TRPM8: variants seen among roughly 807,000 people sequenced by gnomAD.
TRPM8 encodes the protein transient receptor potential cation channel subfamily M member 8.
Under a neutral mutation model 133.7 loss-of-function variants are expected in TRPM8, and 110 were observed. The ratio of observed to expected loss-of-function variants is 0.82; its 90% CI spans 0.70 to 0.96. The LOEUF (loss-of-function observed/expected upper bound fraction) is 0.96. Among genes scored for constraint, TRPM8 ranks in the 40% least tolerant of loss-of-function variants. The pLI is 0.00. For synonymous variants in TRPM8, 535 were observed against 532.3 expected (o/e 1.01, Z -0.07); for missense variants, 1,291 against 1,379.5 (o/e 0.94, Z 1.02).
At chr2:233,922,534 A>G (rs2125027618) in intron 1 of TRPM8, among the ~76,000 whole-genome samples, 1 of 152,124 alleles carries the variant, frequency 6.6e-6, no homozygotes, top group East Asian at 1.9e-4. Flanking sequence ...TAAACATTTA[A>G]ACTGAAAAAA....
intron 8 of TRPM8, 90 bp downstream of exon 8, chr2:233,947,245 C>T: frequency 6.3e-7 from 1 of 1,581,170 alleles, no homozygotes. Flanking sequence ...TCTAATCTAA[C>T]CTAATTGATT....
Position 233,947,438 on chromosome 2 carries a change from A to G in TRPM8, c.942+283A>G, listed in dbSNP as rs1487233354. ...AGTTGACATTAATTCGGGAGACTTA[A>G]AGATTGTAACCGGCATATATATTAG... On this transcript the variant is annotated intron_variant, in intron 8 of 25. Transcript: ENST00000324695. 6.3e-6 allele frequency: 9 copies of G among 1,428,574 alleles called. No homozygotes were observed. The East Asian group carries it at 1.7e-4, about 27-fold the overall frequency. 88.5% of individuals were successfully genotyped at this position (1,428,574 alleles called of 1,614,324 possible). A position where few individuals can be genotyped will look rare whatever the true frequency, so the allele number is the denominator to read the frequency against.
chr2:233,944,048 G>A (rs12472151), intron 6 of TRPM8, among the ~76,000 whole-genome samples: 6,454 of 152,036 alleles, frequency 0.042, 173 homozygotes, highest in Admixed American at 0.075. Flanking sequence ...GAGAAGTTGG[G>A]GTTGGAGTAA....
chr2:233,921,448 C>T (rs76923569), intron 1 of TRPM8, among the ~76,000 whole-genome samples: 11,461 of 152,024 alleles, frequency 0.075, 625 homozygotes, highest in Admixed American at 0.17. Context: ...ATCCTGTCAA[C>T]CTAAAATAAT....
At position 233,947,555 on chromosome 2, in the gene TRPM8, C is replaced by T. The variant is rs576265167; in HGVS notation, c.942+400C>T. On this transcript the variant is annotated intron_variant, in intron 8 of 25. Coordinates refer to ENST00000324695, the MANE Select transcript of TRPM8 (RefSeq NM_024080.5). ...CCAGATGTTTCCAGACCACCTAAGG[C>T]CCATTTATATGCCACCTGGGGATGC... The T allele has an allele frequency of 1.2e-5, 16 of 1,294,178 alleles. No homozygotes were observed. In the East Asian group the frequency reaches 6.0e-4, roughly 49 times the overall value. The allele number at this position is 1,294,178 out of a possible 1,614,324, so 80.2% of individuals were successfully genotyped here. A position where few individuals can be genotyped will look rare whatever the true frequency, so the allele number is the denominator to read the frequency against.
rs1693037841 is a variant in TRPM8 at position 234,019,398 on chromosome 2, C to A, written c.*2142C>A. 6.6e-6 allele frequency: 1 copy of A among 152,154 alleles called. No individual in the cohort carries two copies. Among genetic ancestry groups the A allele is most frequent in the Non-Finnish European group, 1.5e-5 (1 of 68,034 alleles). The allele number at this position is 152,154 out of a possible 1,614,324, so 9.4% of individuals were successfully genotyped here. On this transcript the variant is annotated 3_prime_UTR_variant, in exon 26 of 26. Transcript: ENST00000324695. The stretch of plus-strand genomic sequence containing the variant: ...TCACAATAATGTATTGAACATACTT[C>A]TAATCAAAGGTGCTATGTCCTTGTG...
At chr2:233,949,740 G>A (rs1479647682) in intron 8 of TRPM8, among the ~76,000 whole-genome samples, 1 of 152,106 alleles carries the variant, frequency 6.6e-6, no homozygotes, top group Non-Finnish European at 1.5e-5. Context: ...TTTGTTGTGG[G>A]GACAAGATTT....
intron 18 of TRPM8, among the ~76,000 whole-genome samples, chr2:233,980,851 C>A (rs929434248): frequency 7.2e-5 from 11 of 152,110 alleles, no homozygotes; most frequent in African/African-American, 2.7e-4. Context: ...GGGTATGCCC[C>A]AAACCATGGT....
chr2:233,942,203 C>T (rs1012026221), intron 5 of TRPM8, among the ~76,000 whole-genome samples: 3 of 151,680 alleles, frequency 2.0e-5, no homozygotes, highest in Non-Finnish European at 2.9e-5. Flanking sequence ...CCTCAGCCTC[C>T]CAAGTAGCTG....
At chr2:233,969,954 C>T in intron 16 of TRPM8, 147 bp downstream of exon 16, 1 of 710,134 alleles carries the variant, frequency 1.4e-6, no homozygotes, top group Non-Finnish European at 2.4e-6. Context: ...CTTGTTTCTC[C>T]CCTGACTTTT....
At chr2:233,971,446 C>T (rs1035419856) in intron 17 of TRPM8, among the ~76,000 whole-genome samples, 2 of 152,106 alleles carry the variant, frequency 1.3e-5, no homozygotes, top group African/African-American at 4.8e-5. Context: ...TGGGTATGAC[C>T]TGGGGGAAGA....
intron 1 of TRPM8, among the ~76,000 whole-genome samples, chr2:233,926,208 G>A (rs1430796352): frequency 6.6e-6 from 1 of 152,224 alleles, no homozygotes; most frequent in Non-Finnish European, 1.5e-5. Context: ...TGATGCATGT[G>A]CTACAGACTG....
At chr2:233,970,094 T>G in intron 16 of TRPM8, 116 bp from the exon 17 acceptor site, 2 of 983,092 alleles carry the variant, frequency 2.0e-6, no homozygotes, top group Non-Finnish European at 3.3e-6. Context: ...ACGGTTTTGC[T>G]CCCGTCTCTT....
At position 233,922,495 on chromosome 2, in the gene TRPM8, T is replaced by G. The variant is rs559629370; in HGVS notation, c.-5-4038T>G. ...TTTACATAATATTTTAGTAAGTTTC[T>G]TCAACTCTTTCTGCATTGAGATAAA... On this transcript the variant is annotated intron_variant, in intron 1 of 25. Coordinates refer to ENST00000324695, the MANE Select transcript of TRPM8 (RefSeq NM_024080.5). Among the ~76,000 whole-genome samples, 36 of 152,328 alleles carry G rather than the reference T, an allele frequency of 2.4e-4. 1 individual carries two copies. In the South Asian group the frequency reaches 7.0e-3, roughly 30 times the overall value.
intron 12 of TRPM8, among the ~76,000 whole-genome samples, chr2:233,962,258 G>C (rs994944622): frequency 6.6e-6 from 1 of 152,104 alleles, no homozygotes; most frequent in Non-Finnish European, 1.5e-5. Flanking sequence ...GTAACTCTTT[G>C]CCGAAAGTTT....
intron 22 of TRPM8, among the ~76,000 whole-genome samples, chr2:234,004,728 A>C (rs1255119398): frequency 6.6e-6 from 1 of 152,234 alleles, no homozygotes; most frequent in East Asian, 1.9e-4. Context: ...AAAATATAGA[A>C]AAGCACAAAT....
chr2:233,928,237 G>A (rs1464084695), intron 2 of TRPM8, among the ~76,000 whole-genome samples: 1 of 151,994 alleles, frequency 6.6e-6, no homozygotes, highest in Admixed American at 6.5e-5. Context: ...CCAAAGTGCT[G>A]GGATCACAGG....
chr2:233,971,439 G>T (rs2125229924), intron 17 of TRPM8, among the ~76,000 whole-genome samples: 1 of 152,270 alleles, frequency 6.6e-6, no homozygotes, highest in South Asian at 2.1e-4. Context: ...TCTGCCATGG[G>T]TATGACCTGG....
At chr2:233,966,564 T>A (rs187031452) in intron 14 of TRPM8, 46 bp from the exon 15 acceptor site, 1 of 1,611,240 alleles carries the variant, frequency 6.2e-7, no homozygotes, top group East Asian at 2.2e-5. Flanking sequence ...GTTTCGGTCA[T>A]GTGCAGCTCT....
Sources: gnomAD v4.1 joint callset for allele counts (sites outside exome capture counted in the v4.1 genomes callset) on GRCh38, gnomAD v4.1.1 for gene constraint, MANE v1.5 for transcripts, NCBI Gene and HGNC (gene_info 2026-07-23, HGNC 2026-07-21) for gene names.